MEGF11: variants seen among roughly 807,000 people sequenced by gnomAD.
The protein encoded by MEGF11 is multiple epidermal growth factor-like domains protein 11.
In MEGF11, 126 loss-of-function variants were observed where a neutral mutation model predicts 146.6. That is an observed-to-expected ratio of 0.86 (90% confidence interval 0.74 to 1.00). The LOEUF (loss-of-function observed/expected upper bound fraction) is 1.00, where lower values mean the gene tolerates loss of function less well. Ranked by LOEUF, MEGF11 falls within the 50% of genes least tolerant of loss-of-function variation. The probability of loss-of-function intolerance (pLI) is 0.00; values close to 1 mark genes in which losing one functional copy is unlikely to be tolerated. For missense variants in MEGF11, 1,509 were observed against 1,521.2 expected, an observed-to-expected ratio of 0.99 and a Z score of 0.13; for synonymous variants, 532 against 583.4, an observed-to-expected ratio of 0.91 and a Z score of 1.27.
chr15:65,967,399 C>T lies in MEGF11; in HGVS notation c.900-2279G>A, dbSNP rs73481613. ...TTATCATATGTTTCCATTTTCCAGG[C>T]TTTCTGTATATCTTCTACAGTAATC... On this transcript the variant is annotated intron_variant, in intron 8 of 25. Transcript: ENST00000395614. Among the ~76,000 whole-genome samples, 1,271 of 152,120 alleles carry T rather than the reference C, an allele frequency of 8.4e-3. 17 individuals are homozygous for T. The highest frequency in any genetic ancestry group is 0.029 in the African/African-American group (1,213 of 41,480).
At chr15:66,142,419 A>G (rs1201921823) in intron 1 of MEGF11, among the ~76,000 whole-genome samples, 1 of 152,234 alleles carries the variant, frequency 6.6e-6, no homozygotes, top group Admixed American at 6.5e-5. Context: ...CAAAGTGGAG[A>G]TGAGGATAAA....
At chr15:65,967,267 A>C (rs552379454) in intron 8 of MEGF11, 1 of 152,328 alleles carries the variant, frequency 6.6e-6, no homozygotes, top group South Asian at 2.1e-4. Context: ...AGTTCTTATA[A>C]CAGAGCCCAT....
chr15:65,936,910 T>A (rs981946192), intron 10 of MEGF11, among the ~76,000 whole-genome samples: 1 of 152,220 alleles, frequency 6.6e-6, no homozygotes, highest in Non-Finnish European at 1.5e-5. Context: ...ATGGGGCTCT[T>A]GTGAGAAAGG....
chr15:65,908,899 T>C, intron 23 of MEGF11, 135 bp downstream of exon 23: 1 of 599,880 alleles, frequency 1.7e-6, no homozygotes, highest in Non-Finnish European at 3.0e-6. Context: ...CTGGTAGACA[T>C]GTTGGGAGGG....
chr15:66,084,991 C>T (rs753153887), intron 5 of MEGF11, among the ~76,000 whole-genome samples: 11 of 152,136 alleles, frequency 7.2e-5, no homozygotes, highest in Non-Finnish European at 1.6e-4. Flanking sequence ...GGGTGCAGCA[C>T]GGTGGGAGTG....
chr15:66,252,325 A>G (rs990963594), intron 1 of MEGF11, among the ~76,000 whole-genome samples: 2 of 149,742 alleles, frequency 1.3e-5, no homozygotes, highest in Non-Finnish European at 3.0e-5. Flanking sequence ...CCCCTGCCCA[A>G]GGGAGCCGAG....
intron 1 of MEGF11, among the ~76,000 whole-genome samples, chr15:66,193,043 C>T (rs773757804): frequency 1.3e-5 from 2 of 152,176 alleles, no homozygotes; most frequent in African/African-American, 4.8e-5. Context: ...ATCCCTGGAT[C>T]GATATAAATC....
chr15:65,950,231 C>T (rs2080349161), intron 10 of MEGF11, among the ~76,000 whole-genome samples: 1 of 152,166 alleles, frequency 6.6e-6, no homozygotes, highest in Non-Finnish European at 1.5e-5. Flanking sequence ...TTTATATTTG[C>T]TAATTAATTT....
intron 5 of MEGF11, among the ~76,000 whole-genome samples, chr15:66,019,859 T>A (rs1487584824): frequency 6.6e-6 from 1 of 152,218 alleles, no homozygotes; most frequent in Non-Finnish European, 1.5e-5. Context: ...ACCTAGGAGC[T>A]TTTATCCCTC....
chr15:66,231,634 G>T (rs2091969792), intron 1 of MEGF11, among the ~76,000 whole-genome samples: 1 of 152,092 alleles, frequency 6.6e-6, no homozygotes, highest in Non-Finnish European at 1.5e-5. Flanking sequence ...CCCCTCCCTT[G>T]CTTGCTAATC....
intron 1 of MEGF11, among the ~76,000 whole-genome samples, chr15:66,192,659 A>G (rs1392531336): frequency 1.3e-5 from 2 of 152,188 alleles, no homozygotes; most frequent in African/African-American, 4.8e-5. Flanking sequence ...CAGAGCCAGG[A>G]TTTGCCCCTT....
chr15:66,044,850 C>CAAAAAAAAAA (rs140901440), intron 5 of MEGF11, among the ~76,000 whole-genome samples: 4 of 90,700 alleles, frequency 4.4e-5, no homozygotes, highest in African/African-American at 2.0e-4. Context: ...GACCTTATCT[C>CAAAAAAAAAA]AAAAAAAAAA....
intron 1 of MEGF11, among the ~76,000 whole-genome samples, chr15:66,205,017 T>C (rs920199977): frequency 3.3e-5 from 5 of 150,604 alleles, no homozygotes; most frequent in Non-Finnish European, 5.9e-5. Flanking sequence ...ATATCCCTGA[T>C]TTGGAGCTAA....
chr15:65,898,441 CTGTGTGTG>C, intron 25 of MEGF11: 1 of 983,534 alleles, frequency 1.0e-6, no homozygotes, highest in South Asian at 4.7e-5. Flanking sequence ...TATCAACAAT[CTGTGTGTG>C]TGTGTGCGCG....
intron 5 of MEGF11, among the ~76,000 whole-genome samples, chr15:66,078,419 G>T (rs553189877): frequency 6.6e-6 from 1 of 152,332 alleles, no homozygotes; most frequent in Admixed American, 6.5e-5. Context: ...CCGGGCCTCG[G>T]CTCTCTAACC....
At chr15:66,126,319 C>G (rs2088343739) in intron 2 of MEGF11, among the ~76,000 whole-genome samples, 1 of 152,186 alleles carries the variant, frequency 6.6e-6, no homozygotes, top group Non-Finnish European at 1.5e-5. Context: ...AGGCATCGCC[C>G]ACAAGCCTTC....
intron 5 of MEGF11, among the ~76,000 whole-genome samples, chr15:66,084,662 A>AG (rs1382117246): frequency 6.6e-6 from 1 of 152,218 alleles, no homozygotes; most frequent in African/African-American, 2.4e-5. Flanking sequence ...AGTGGTCCCC[A>AG]GGCAGCCCAT....
Position 65,929,880 on chromosome 15 carries a change from C to A in MEGF11, c.1412G>T (p.Trp471Leu). The change falls in exon 12 of 26, where the codon TGG (tryptophan) becomes TTG (leucine). Residue 471 changes from tryptophan to leucine, a missense_variant. Trp to Leu is a moderately conservative substitution (Grantham distance 61). Coordinates refer to ENST00000395614, the MANE Select transcript of MEGF11 (RefSeq NM_001385028.1). ...TGGCAGGGTGCAGTCCAGGCCCTGC[C>A]ACCCTGAGGGGAGGGAAAGGGACTG... ...VDGSCTCKEG[W>L]QGLDCTLPCP... 1 of 1,596,552 alleles carries A rather than the reference C, an allele frequency of 6.3e-7. No individual in the cohort carries two copies. Among genetic ancestry groups the A allele is most frequent in the Non-Finnish European group, 8.5e-7 (1 of 1,171,568 alleles).
At chr15:66,165,058 G>A (rs1334726053) in intron 1 of MEGF11, among the ~76,000 whole-genome samples, 1 of 152,242 alleles carries the variant, frequency 6.6e-6, no homozygotes, top group African/African-American at 2.4e-5. Flanking sequence ...TCTCAAACTA[G>A]GGCAACCCCT....
Sources: allele counts gnomAD v4.1 joint callset (sites outside exome capture counted in the v4.1 genomes callset), GRCh38; gene constraint gnomAD v4.1.1; transcripts MANE v1.5; gene names NCBI Gene and HGNC (gene_info 2026-07-23, HGNC 2026-07-21).